CRIM1: variants seen among roughly 807,000 people sequenced by gnomAD.
CRIM1 encodes cysteine rich transmembrane BMP regulator 1.
A neutral mutation model predicts 116.4 loss-of-function variants in CRIM1; 32 were observed. The ratio of observed to expected loss-of-function variants is 0.27; its 90% CI spans 0.21 to 0.37. The LOEUF is 0.37. Among genes scored for constraint, CRIM1 ranks in the 10% least tolerant of loss-of-function variants. The pLI, the probability that CRIM1 is intolerant of heterozygous loss-of-function variation, is 1.00. For synonymous variants in CRIM1, 590 were observed against 509.2 expected, an observed-to-expected ratio of 1.16 and a Z score of -2.13; for missense variants, 1,331 against 1,354.8, an observed-to-expected ratio of 0.98 and a Z score of 0.28.
At chr2:36,506,483 C>T (rs1213733607) in intron 8 of CRIM1, among the ~76,000 whole-genome samples, 1 of 151,914 alleles carries the variant, frequency 6.6e-6, no homozygotes. Context: ...GTGTGTTCTC[C>T]ATGGAGGTTA....
chr2:36,529,085 G>C (rs910897069), intron 13 of CRIM1: 4 of 470,866 alleles, frequency 8.5e-6, no homozygotes, highest in African/African-American at 8.0e-5. Context: ...CTGCACGGAA[G>C]TTAGGCTGCT....
At chr2:36,489,619 A>T (rs1036248960) in intron 7 of CRIM1, among the ~76,000 whole-genome samples, 3 of 152,162 alleles carry the variant, frequency 2.0e-5, no homozygotes, top group Non-Finnish European at 4.4e-5. Flanking sequence ...CTGTTGACAT[A>T]TGTTTGAGAT....
intron 1 of CRIM1, among the ~76,000 whole-genome samples, chr2:36,382,704 T>A (rs754229249): frequency 1.1e-4 from 16 of 152,250 alleles, no homozygotes; most frequent in Non-Finnish European, 2.1e-4. Context: ...AGTTGGCCTG[T>A]GTCTCCTGGC....
intron 4 of CRIM1, among the ~76,000 whole-genome samples, chr2:36,445,798 C>A (rs1213511903): frequency 6.6e-6 from 1 of 151,934 alleles, no homozygotes. Flanking sequence ...AAAAAAAAGC[C>A]TAACATGTAA....
intron 1 of CRIM1, among the ~76,000 whole-genome samples, chr2:36,366,892 G>C (rs1336157044): frequency 1.3e-5 from 2 of 152,254 alleles, no homozygotes; most frequent in Non-Finnish European, 2.9e-5. Context: ...TTATGAAGTA[G>C]TTGGACCACT....
Position 36,356,289 on chromosome 2 carries a change from G to T in CRIM1, c.-4G>T, listed in dbSNP as rs750340175. ...CGAGGAGGAGGCGGCGGCGGCGCAG[G>T]AGGATGTACTTGGTGGCGGGGGACA... On this transcript the variant is annotated 5_prime_UTR_variant, in exon 1 of 17. Coordinates refer to ENST00000280527, the MANE Select transcript of CRIM1 (RefSeq NM_016441.3). This position sits in a 1 kb window ranked among gnomAD's most constrained non-coding sequence, Gnocchi z 4.3. 4 of 1,479,400 alleles carry T rather than the reference G, an allele frequency of 2.7e-6. No homozygotes were observed. The highest frequency in any genetic ancestry group is 2.7e-6 in the Non-Finnish European group (3 of 1,109,340). 91.6% of individuals were successfully genotyped at this position (1,479,400 alleles called of 1,614,324 possible).
intron 2 of CRIM1, among the ~76,000 whole-genome samples, chr2:36,429,568 A>G (rs1674716199): frequency 6.6e-6 from 1 of 152,194 alleles, no homozygotes; most frequent in South Asian, 2.1e-4. Context: ...CTGTGCATTT[A>G]TAGAAAAGAG....
At chr2:36,530,049 A>G (rs1183316301) in intron 13 of CRIM1, among the ~76,000 whole-genome samples, 1 of 152,158 alleles carries the variant, frequency 6.6e-6, no homozygotes, top group Non-Finnish European at 1.5e-5. Context: ...TTTTTATTGG[A>G]AGCTAAAAGT....
intron 13 of CRIM1, among the ~76,000 whole-genome samples, chr2:36,527,142 TA>T (rs201883921): frequency 0.011 from 1,737 of 151,282 alleles, 35 homozygotes; most frequent in African/African-American, 0.04. Context: ...TGTTTGTGTT[TA>T]TTATATATAA....
Position 36,549,212 on chromosome 2 carries a change from C to A in CRIM1, c.*511C>A, listed in dbSNP as rs1667573358. 6.5e-6 allele frequency: 1 copy of A among 152,884 alleles called. No homozygotes were observed. The highest frequency in any genetic ancestry group is 2.4e-5 in the African/African-American group (1 of 41,438). 9.5% of individuals were successfully genotyped at this position (152,884 alleles called of 1,614,324 possible). On this transcript the variant is annotated 3_prime_UTR_variant, in exon 17 of 17. Transcript: ENST00000280527. ...GCTGCCATAACCACCTTAGAACTAC[C>A]AGACGAGCACATCAGAACCCTTTGA...
chr2:36,482,548 T>A (rs913549536), intron 7 of CRIM1, among the ~76,000 whole-genome samples: 1 of 152,212 alleles, frequency 6.6e-6, no homozygotes, highest in African/African-American at 2.4e-5. Flanking sequence ...TTTCAAATGA[T>A]TTCAGAGTAG....
chr2:36,510,180 A>G (rs769629338), intron 9 of CRIM1, 41 bp downstream of exon 9: 10 of 1,576,848 alleles, frequency 6.3e-6, no homozygotes, highest in Admixed American at 3.5e-5. Flanking sequence ...ATGAAGTGCA[A>G]CTTGGTGAAA....
intron 1 of CRIM1, among the ~76,000 whole-genome samples, chr2:36,363,351 G>A (rs1045183391): frequency 2.6e-5 from 4 of 152,094 alleles, no homozygotes; most frequent in African/African-American, 9.7e-5. Context: ...AAGAATGACT[G>A]GCACATGGAA....
At chr2:36,533,961 GGAGGGAAAGGGAA>G (rs1666299251) in intron 13 of CRIM1, among the ~76,000 whole-genome samples, 1 of 149,816 alleles carries the variant, frequency 6.7e-6, no homozygotes, top group African/African-American at 2.5e-5. Context: ...AAAGAGGGTG[GGAGGGAAAGGGAA>G]GGAAGGAGAG....
At chr2:36,543,431 A>G (rs10179862) in intron 14 of CRIM1, among the ~76,000 whole-genome samples, 56,895 of 152,080 alleles carry the variant, frequency 0.37, 10,862 homozygotes, top group East Asian at 0.6. Context: ...CTTATACTGT[A>G]TATTTTATGT....
At chr2:36,432,161 C>T in intron 2 of CRIM1, among the ~76,000 whole-genome samples, 1 of 152,042 alleles carries the variant, frequency 6.6e-6, no homozygotes, top group East Asian at 1.9e-4. Context: ...ATTTTGATTC[C>T]TTTTTTGTGG....
chr2:36,528,651 G>GTC (rs1572936222), intron 13 of CRIM1, among the ~76,000 whole-genome samples: 1 of 151,998 alleles, frequency 6.6e-6, no homozygotes, highest in East Asian at 1.9e-4. Flanking sequence ...CAGTTACTGT[G>GTC]GACCTACACG....
intron 2 of CRIM1, among the ~76,000 whole-genome samples, chr2:36,429,367 T>C (rs1262907347): frequency 1.3e-5 from 2 of 152,206 alleles, no homozygotes; most frequent in Non-Finnish European, 2.9e-5. Flanking sequence ...TCATGATCTC[T>C]TCTTGCTGTG....
intron 5 of CRIM1, among the ~76,000 whole-genome samples, chr2:36,471,761 C>CACACACACACA (rs72156127): frequency 0.011 from 1,407 of 128,646 alleles, 19 homozygotes; most frequent in South Asian, 0.021. Flanking sequence ...ACACACACAC[C>CACACACACACA]ATCTTACAAT....
Sources: allele counts gnomAD v4.1 joint callset (sites outside exome capture counted in the v4.1 genomes callset), GRCh38; gene constraint gnomAD v4.1.1; non-coding constraint Gnocchi (gnomAD v3.1); transcripts MANE v1.5; gene names NCBI Gene and HGNC (gene_info 2026-07-23, HGNC 2026-07-21).